Variants in TRAF3 observed in about 807,000 individuals in gnomAD.
The protein encoded by TRAF3 is TNF receptor associated factor 3, also known as TNF receptor-associated factor 3.
Under a neutral mutation model 62.3 loss-of-function variants are expected in TRAF3, and 13 were observed. The ratio of observed to expected loss-of-function variants is 0.21; its 90% CI spans 0.14 to 0.33. The LOEUF is 0.33. Among genes scored for constraint, TRAF3 ranks in the 10% least tolerant of loss-of-function variants. The probability of loss-of-function intolerance (pLI) is 1.00; values close to 1 mark genes in which losing one functional copy is unlikely to be tolerated. For synonymous variants in TRAF3, 269 were observed against 283.4 expected (o/e 0.95, Z 0.51); for missense variants, 440 against 741.8 (o/e 0.59, Z 4.73).
chr14:102,886,612 C>T (rs150297784), intron 7 of TRAF3, among the ~76,000 whole-genome samples: 2,829 of 152,054 alleles, frequency 0.019, 34 homozygotes, highest in African/African-American at 0.022. Context: ...AAAAACTAGC[C>T]AGGTGTGGTG....
intron 2 of TRAF3, among the ~76,000 whole-genome samples, chr14:102,845,488 C>T (rs1488693478): frequency 2.0e-5 from 3 of 150,718 alleles, no homozygotes; most frequent in East Asian, 2.0e-4. Flanking sequence ...CAGGCATGAG[C>T]ACCGTGCCCA....
intron 1 of TRAF3, among the ~76,000 whole-genome samples, chr14:102,824,661 T>G (rs751444039): frequency 1.3e-5 from 2 of 152,238 alleles, no homozygotes; most frequent in Admixed American, 6.5e-5. Context: ...TTGGGATGTT[T>G]CCATAGTTTG....
At chr14:102,889,840 A>T (rs905267263) in intron 8 of TRAF3, among the ~76,000 whole-genome samples, 2 of 152,220 alleles carry the variant, frequency 1.3e-5, no homozygotes, top group African/African-American at 2.4e-5. Context: ...TCAGGGAGAC[A>T]CTGTGCTGAG....
chr14:102,894,055 G>A (rs1271402070), intron 9 of TRAF3, among the ~76,000 whole-genome samples: 8 of 152,144 alleles, frequency 5.3e-5, no homozygotes, highest in Non-Finnish European at 1.0e-4. Flanking sequence ...AGCTGGGCGC[G>A]GTGGCTCATG....
At chr14:102,866,311 T>C (rs938651583) in intron 2 of TRAF3, among the ~76,000 whole-genome samples, 3 of 152,152 alleles carry the variant, frequency 2.0e-5, no homozygotes, top group African/African-American at 4.8e-5. Flanking sequence ...AAATACCTAA[T>C]GTAGATGACG....
chr14:102,823,598 T>A (rs1900110114), intron 1 of TRAF3, among the ~76,000 whole-genome samples: 1 of 152,222 alleles, frequency 6.6e-6, no homozygotes, highest in Non-Finnish European at 1.5e-5. Flanking sequence ...CCAAAAGTAA[T>A]GCATCTTTTG....
chr14:102,869,174 C>T (rs978499439), intron 2 of TRAF3, among the ~76,000 whole-genome samples: 1 of 152,212 alleles, frequency 6.6e-6, no homozygotes, highest in Admixed American at 6.5e-5. Context: ...CACAACGGGC[C>T]CACTCCACAG....
intron 11 of TRAF3, among the ~76,000 whole-genome samples, 172 bp from the exon 12 acceptor site, chr14:102,905,041 G>A (rs1382221314): frequency 6.6e-6 from 1 of 152,212 alleles, no homozygotes; most frequent in Admixed American, 6.5e-5. Context: ...GAACCTGGGA[G>A]GCAGAGGTTG....
intron 1 of TRAF3, among the ~76,000 whole-genome samples, chr14:102,784,363 C>T (rs939849987): frequency 6.6e-6 from 1 of 152,006 alleles, no homozygotes; most frequent in Admixed American, 6.6e-5. Context: ...GCTGGGATTA[C>T]AGGCACCCGC....
At chr14:102,860,629 A>T (rs1157115457) in intron 2 of TRAF3, among the ~76,000 whole-genome samples, 1 of 152,232 alleles carries the variant, frequency 6.6e-6, no homozygotes, top group Non-Finnish European at 1.5e-5. Flanking sequence ...ACAGTTTATG[A>T]AAGGGAGGAG....
chr14:102,815,552 T>A (rs76490518), intron 1 of TRAF3, among the ~76,000 whole-genome samples: 2,149 of 152,148 alleles, frequency 0.014, 47 homozygotes, highest in African/African-American at 0.05. Flanking sequence ...CTATTTTGAG[T>A]CAATTTTTGT....
At chr14:102,824,003 C>T (rs1178604468) in intron 1 of TRAF3, among the ~76,000 whole-genome samples, 1 of 152,152 alleles carries the variant, frequency 6.6e-6, no homozygotes, top group Non-Finnish European at 1.5e-5. Flanking sequence ...ATTTGTTAGT[C>T]CATTGATAGA....
intron 2 of TRAF3, among the ~76,000 whole-genome samples, chr14:102,851,390 C>T (rs1190688660): frequency 2.0e-5 from 3 of 152,196 alleles, no homozygotes; most frequent in Non-Finnish European, 4.4e-5. Context: ...GTGGAAGACA[C>T]GGGATTCCTG....
At position 102,887,962 on chromosome 14, in the gene TRAF3, G is replaced by C. The variant is rs555547308; in HGVS notation, c.652-1598G>C. On this transcript the variant is annotated intron_variant, in intron 7 of 11. Transcript: ENST00000392745. ...TGGGTTTCTGATGAAAGGTGCTTTT[G>C]AGCTATAGATTATTCTTGCCCCTAT... 2.0e-5 allele frequency among the ~76,000 whole-genome samples: 3 copies of C among 152,242 alleles called. No homozygotes were observed. In the South Asian group the frequency reaches 6.2e-4, roughly 32 times the overall value.
At chr14:102,850,019 C>G (rs1886944365) in intron 2 of TRAF3, among the ~76,000 whole-genome samples, 1 of 152,146 alleles carries the variant, frequency 6.6e-6, no homozygotes, top group South Asian at 2.1e-4. Flanking sequence ...CCCGGGCTTT[C>G]CAGCTCTTGG....
chr14:102,805,616 G>A (rs746114555), intron 1 of TRAF3, among the ~76,000 whole-genome samples: 2 of 152,186 alleles, frequency 1.3e-5, no homozygotes, highest in Admixed American at 1.3e-4. Flanking sequence ...GGGAGCCCCT[G>A]CCTGCAGCCA....
rs986520738 is a variant in TRAF3, at chr14:102,906,084, G to A, written c.*300G>A. On this transcript the variant is annotated 3_prime_UTR_variant, in exon 12 of 12. Transcript: ENST00000392745. The stretch of plus-strand genomic sequence containing the variant: ...GTTAATTAAGGTGGAAAACATATAT[G>A]CTAAACAAAAGAAACATGATTTTTC... 6.9e-6 allele frequency: 2 copies of A among 291,678 alleles called. No homozygotes were observed. Among genetic ancestry groups the A allele is most frequent in the Non-Finnish European group, 1.3e-5 (2 of 155,988 alleles). 18.1% of individuals were successfully genotyped at this position (291,678 alleles called of 1,614,324 possible).
intron 10 of TRAF3, among the ~76,000 whole-genome samples, chr14:102,898,577 G>A (rs775822064): frequency 6.6e-6 from 1 of 152,194 alleles, no homozygotes; most frequent in East Asian, 1.9e-4. Flanking sequence ...TTTGACCTGG[G>A]GCTCAGAGAG....
rs139863869 is a variant in TRAF3, at chr14:102,787,787, C to T, written c.-157+10112C>T. On this transcript the variant is annotated intron_variant, in intron 1 of 11. Coordinates refer to ENST00000392745, the MANE Select transcript of TRAF3 (RefSeq NM_145725.3). ...GAACACCCTAATTAAACAGCCCATG[C>T]TGTTGCTGTGGTCACTTGCCTTGCT... Among the ~76,000 whole-genome samples the T allele has an allele frequency of 5.4e-3, 808 of 150,768 alleles. 6 individuals are homozygous for T. The highest frequency in any genetic ancestry group is 9.8e-3 in the Admixed American group (149 of 15,142).
Sources: allele counts gnomAD v4.1 joint callset (sites outside exome capture counted in the v4.1 genomes callset), GRCh38; gene constraint gnomAD v4.1.1; transcripts MANE v1.5; gene names NCBI Gene and HGNC (gene_info 2026-07-23, HGNC 2026-07-21).